The following GRM7 variants were observed in gnomAD, a reference collection of about 807,000 sequenced individuals.
GRM7 encodes metabotropic glutamate receptor 7.
A neutral mutation model predicts 84.5 loss-of-function variants in GRM7; 35 were observed. That is an observed-to-expected ratio of 0.41 (90% confidence interval 0.32 to 0.55). The LOEUF is 0.55. GRM7 is among the 20% of genes least tolerant of loss of function. GRM7 has a pLI of 0.19. For synonymous variants in GRM7, 487 were observed against 455.1 expected, an observed-to-expected ratio of 1.07 and a Z score of -0.89; for missense variants, 1,003 against 1,194.6, an observed-to-expected ratio of 0.84 and a Z score of 2.36.
chr3:7,302,412 A>G (rs9840868), intron 3 of GRM7, among the ~76,000 whole-genome samples: 6,902 of 152,132 alleles, frequency 0.045, 348 homozygotes, highest in African/African-American at 0.13. Flanking sequence ...TAACCTCCAA[A>G]TTTTACATAA....
chr3:7,638,662 T>C (rs1169851361), intron 8 of GRM7, among the ~76,000 whole-genome samples: 1 of 152,244 alleles, frequency 6.6e-6, no homozygotes, highest in Non-Finnish European at 1.5e-5. Flanking sequence ...GTTGCCATAA[T>C]CCAAATGGAA....
chr3:7,587,232 C>T lies in GRM7; in HGVS notation c.2451+7875C>T, dbSNP rs566232228. Among the ~76,000 whole-genome samples, 35 of 152,272 alleles carry T rather than the reference C, an allele frequency of 2.3e-4. 1 individual carries two copies. The highest frequency in any genetic ancestry group is 3.1e-4 in the African/African-American group (13 of 41,562). The stretch of plus-strand genomic sequence containing the variant: ...TTTTTCTTGAAATGTAATCATTAAG[C>T]GGCCTTATGCCAACTGGCCTATTTG... On this transcript the variant is annotated intron_variant, in intron 8 of 9. Coordinates refer to ENST00000357716, the MANE Select transcript of GRM7 (RefSeq NM_000844.4).
rs891420562 is a variant in GRM7 at position 7,112,061 on chromosome 3, T to A, written c.520-34391T>A. On this transcript the variant is annotated intron_variant, in intron 1 of 9. Transcript: ENST00000357716. ...TGGCAGAAGTGTAAAAGGCAGGAGA[T>A]TTTTCAGAGCTGTTAACACTGCATG... Among the ~76,000 whole-genome samples, 11 of 152,088 alleles carry A rather than the reference T, an allele frequency of 7.2e-5. No homozygotes were observed. The East Asian group carries it at 2.1e-3, about 30-fold the overall frequency.
chr3:7,583,982 T>A (rs1254900385), intron 8 of GRM7, among the ~76,000 whole-genome samples: 1 of 152,176 alleles, frequency 6.6e-6, no homozygotes, highest in Admixed American at 6.5e-5. Flanking sequence ...AGAAATATGA[T>A]AGTTGTCGCA....
intron 2 of GRM7, among the ~76,000 whole-genome samples, chr3:7,260,264 T>C (rs1290403475): frequency 6.6e-6 from 1 of 152,222 alleles, no homozygotes; most frequent in African/African-American, 2.4e-5. Flanking sequence ...TAGTTTATTT[T>C]GCTGTGTAGA....
Position 7,715,623 on chromosome 3 carries a change from G to A in GRM7, c.2699-24734G>A, listed in dbSNP as rs77748493. Among the ~76,000 whole-genome samples, 1,054 of 152,158 alleles carry A rather than the reference G, an allele frequency of 6.9e-3. 15 individuals are homozygous for A. The highest frequency in any genetic ancestry group is 0.024 in the African/African-American group (1,003 of 41,514). On this transcript the variant is annotated intron_variant, in intron 9 of 9. Coordinates refer to ENST00000357716, the MANE Select transcript of GRM7 (RefSeq NM_000844.4). ...GAACCACTAAGTAGGTTCCATTGTT[G>A]TTCTTATTAAAGAGCTAAACAAACT... is the stretch of plus-strand genomic sequence containing the variant.
At chr3:7,180,903 C>T (rs980768454) in intron 2 of GRM7, among the ~76,000 whole-genome samples, 5 of 152,118 alleles carry the variant, frequency 3.3e-5, no homozygotes, top group African/African-American at 1.2e-4. Context: ...TTAAGCCAGT[C>T]CTTTTTATCC....
At chr3:7,306,751 A>G (rs1700207862) in intron 4 of GRM7, 99 bp downstream of exon 4, 2 of 990,058 alleles carry the variant, frequency 2.0e-6, no homozygotes, top group Admixed American at 2.7e-5. Context: ...TTTTTACCAA[A>G]CTCATGTGGG....
chr3:7,667,732 A>ACTAT (rs1328540886), intron 8 of GRM7, among the ~76,000 whole-genome samples: 2 of 152,082 alleles, frequency 1.3e-5, no homozygotes, highest in African/African-American at 2.4e-5. Flanking sequence ...TCACTTTTAT[A>ACTAT]CTATCTAAAG....
intron 6 of GRM7, among the ~76,000 whole-genome samples, chr3:7,459,865 C>T (rs1329647275): frequency 6.6e-6 from 1 of 151,824 alleles, no homozygotes; most frequent in Non-Finnish European, 1.5e-5. Context: ...TCAGTAAGCC[C>T]GTTCTTGGTA....
intron 8 of GRM7, among the ~76,000 whole-genome samples, chr3:7,646,467 C>T (rs1698644867): frequency 6.6e-6 from 1 of 152,138 alleles, no homozygotes; most frequent in Non-Finnish European, 1.5e-5. Context: ...GCTTGGATTA[C>T]AGACGTGAGC....
intron 2 of GRM7, among the ~76,000 whole-genome samples, chr3:7,203,459 G>GAT (rs1430299631): frequency 4.6e-5 from 7 of 152,014 alleles, no homozygotes; most frequent in Admixed American, 3.9e-4. Context: ...TATAGATATA[G>GAT]ATATATATCT....
chr3:7,358,325 C>T (rs1435520843), intron 4 of GRM7, among the ~76,000 whole-genome samples: 3 of 152,068 alleles, frequency 2.0e-5, no homozygotes, highest in Admixed American at 2.0e-4. Flanking sequence ...TTAATTAGGT[C>T]CAGCAAACAA....
intron 2 of GRM7, among the ~76,000 whole-genome samples, chr3:7,229,759 A>ATATAT (rs1434216248): frequency 3.6e-4 from 11 of 30,400 alleles, no homozygotes; most frequent in South Asian, 1.9e-3. Flanking sequence ...ATATATATAT[A>ATATAT]TTTTTTTTTT....
intron 1 of GRM7, among the ~76,000 whole-genome samples, chr3:7,078,020 C>A (rs574533019): frequency 6.6e-6 from 1 of 152,166 alleles, no homozygotes; most frequent in African/African-American, 2.4e-5. Flanking sequence ...CCTCAGGTAG[C>A]GTGAACAAAT....
At chr3:6,872,766 A>G (rs1695168947) in intron 1 of GRM7, among the ~76,000 whole-genome samples, 1 of 152,094 alleles carries the variant, frequency 6.6e-6, no homozygotes, top group Non-Finnish European at 1.5e-5. Flanking sequence ...TTCCAGCTTC[A>G]TCCATGTCCC....
intron 1 of GRM7, among the ~76,000 whole-genome samples, chr3:6,903,619 T>A (rs1696471178): frequency 6.6e-6 from 1 of 152,122 alleles, no homozygotes; most frequent in Non-Finnish European, 1.5e-5. Context: ...TTTTTACATG[T>A]CCCCTCTAGG....
intron 6 of GRM7, among the ~76,000 whole-genome samples, chr3:7,458,747 T>G (rs13325490): frequency 1.3e-5 from 2 of 152,116 alleles, no homozygotes; most frequent in African/African-American, 4.8e-5. Context: ...CTTTCTCCTC[T>G]CAAAGACTAT....
At chr3:7,704,686 C>T (rs2125161058) in intron 9 of GRM7, among the ~76,000 whole-genome samples, 1 of 152,258 alleles carries the variant, frequency 6.6e-6, no homozygotes, top group African/African-American at 2.4e-5. Context: ...AAGAAGTATT[C>T]AATATATACG....
Sources: gnomAD v4.1 joint callset for allele counts (sites outside exome capture counted in the v4.1 genomes callset) on GRCh38, gnomAD v4.1.1 for gene constraint, MANE v1.5 for transcripts, NCBI Gene and HGNC (gene_info 2026-07-23, HGNC 2026-07-21) for gene names.